Variants in ZNF589 observed in about 807,000 individuals in gnomAD.
ZNF589 encodes KRAB-zinc finger protein SZF1-1.
ZNF589 carries 17 observed loss-of-function variants against 13.6 expected under a neutral mutation model. The observed-to-expected ratio is 1.25, with a 90% confidence interval of 0.86 to 1.88. The LOEUF is 1.88. ZNF589 is among the 40% of genes most tolerant of loss of function. The probability of loss-of-function intolerance (pLI) is 0.00; values close to 1 mark genes in which losing one functional copy is unlikely to be tolerated. For synonymous variants in ZNF589, 148 were observed against 161.6 expected, an observed-to-expected ratio of 0.92 and a Z score of 0.64; for missense variants, 407 against 434.0, an observed-to-expected ratio of 0.94 and a Z score of 0.55.
At chr3:48,264,745 C>T (rs1249280537) in intron 3 of ZNF589, among the ~76,000 whole-genome samples, 1 of 152,122 alleles carries the variant, frequency 6.6e-6, no homozygotes, top group East Asian at 1.9e-4. Flanking sequence ...AAAAGAATTG[C>T]TTGAACCTGG....
At chr3:48,242,350 G>A (rs1218227749) in intron 1 of ZNF589, among the ~76,000 whole-genome samples, 1 of 151,908 alleles carries the variant, frequency 6.6e-6, no homozygotes, top group Admixed American at 6.6e-5. Flanking sequence ...GACCCCAGAT[G>A]ATCCACCTGC....
chr3:48,256,537 C>T, intron 2 of ZNF589: 1 of 648,526 alleles, frequency 1.5e-6, no homozygotes. Context: ...CTTCAGGAAG[C>T]TGAGGCCTGT....
chr3:48,253,089 G>A (rs2033857329), intron 2 of ZNF589, among the ~76,000 whole-genome samples: 1 of 152,090 alleles, frequency 6.6e-6, no homozygotes, highest in Non-Finnish European at 1.5e-5. Context: ...CTGGAGTGCA[G>A]TGGTGCAATC....
In ZNF589 at chr3:48,270,266, T is replaced by C. The variant is rs2034076086; in HGVS notation, c.*1480T>C. 2.2e-6 allele frequency: 1 copy of C among 456,320 alleles called. No homozygotes were observed. Among genetic ancestry groups the C allele is most frequent in the Admixed American group, 2.4e-5 (1 of 42,446 alleles). The allele number at this position is 456,320 out of a possible 1,614,324, so 28.3% of individuals were successfully genotyped here. ...CCCTTCCTAACCCTCCAGTCCCAAA[T>C]CCAAGATTCTTTAACCACACTCTAA... On this transcript the variant is annotated 3_prime_UTR_variant, in exon 4 of 4. Coordinates refer to ENST00000354698, the MANE Select transcript of ZNF589 (RefSeq NM_016089.3).
chr3:48,254,216 A>G (rs989743707), intron 2 of ZNF589, among the ~76,000 whole-genome samples: 3 of 152,164 alleles, frequency 2.0e-5, no homozygotes, highest in Non-Finnish European at 4.4e-5. Context: ...AGATCGTGCC[A>G]TTGCACTCCA....
rs973935520 is a variant in ZNF589, at chr3:48,270,148, T to C, written c.*1362T>C. The C allele has an allele frequency of 6.6e-6, 3 of 456,986 alleles. No homozygotes were observed. Among genetic ancestry groups the C allele is most frequent in the Non-Finnish European group, 1.3e-5 (3 of 227,052 alleles). The allele number at this position is 456,986 out of a possible 1,614,324, so 28.3% of individuals were successfully genotyped here. ...CCTGCTTTATTTTTTTCTACATCTC[T>C]AGCCTTTGCTGTTTCCTCTCCTACC... On this transcript the variant is annotated 3_prime_UTR_variant, in exon 4 of 4. Coordinates refer to ENST00000354698, the MANE Select transcript of ZNF589 (RefSeq NM_016089.3).
Position 48,247,638 on chromosome 3 carries a change from G to A in ZNF589, c.57G>A (p.Lys19=), listed in dbSNP as rs755404479. ...LGWTAEALPA[K]DSAWPWEEKP... is the part of the protein sequence containing the mutation. ...TTCTTTCCCCAGCTCTGCCTGCCAA[G>A]GATTCTGCCTGGCCCTGGGAAGAGA... The change falls in exon 2 of 4, where the codon AAG becomes AAA. Residue 19 remains lysine (K), a synonymous_variant. Coordinates refer to ENST00000354698, the MANE Select transcript of ZNF589 (RefSeq NM_016089.3). The A allele has an allele frequency of 6.2e-7, 1 of 1,612,624 alleles. No homozygotes were observed. Among genetic ancestry groups the A allele is most frequent in the Non-Finnish European group, 8.5e-7 (1 of 1,179,224 alleles).
chr3:48,251,934 G>A (rs2033842717), intron 2 of ZNF589, among the ~76,000 whole-genome samples: 1 of 151,974 alleles, frequency 6.6e-6, no homozygotes, highest in African/African-American at 2.4e-5. Flanking sequence ...AGCTATGTGG[G>A]AGGCTGAGGT....
At chr3:48,262,214 A>C (rs534255684) in intron 3 of ZNF589, among the ~76,000 whole-genome samples, 1 of 152,068 alleles carries the variant, frequency 6.6e-6, no homozygotes, top group East Asian at 1.9e-4. Context: ...TTTGAGATGG[A>C]GTTTCATTCT....
In ZNF589 at chr3:48,270,493, G is replaced by A; in HGVS notation, c.*1707G>A. On this transcript the variant is annotated 3_prime_UTR_variant, in exon 4 of 4. Coordinates refer to ENST00000354698, the MANE Select transcript of ZNF589 (RefSeq NM_016089.3). The stretch of plus-strand genomic sequence containing the variant: ...AATTACATCCAGGAATGGTGCCAGG[G>A]CCTTTAGCCATTTGTCTCTCCTCAC... 2.8e-6 allele frequency: 1 copy of A among 353,536 alleles called. No individual in the cohort carries two copies. Among genetic ancestry groups the A allele is most frequent in the East Asian group, 7.4e-5 (1 of 13,600 alleles). The allele number at this position is 353,536 out of a possible 1,614,324, so 21.9% of individuals were successfully genotyped here. A position where few individuals can be genotyped will look rare whatever the true frequency, so the allele number is the denominator to read the frequency against.
intron 3 of ZNF589, among the ~76,000 whole-genome samples, chr3:48,261,319 T>G (rs2033967967): frequency 6.6e-6 from 1 of 151,368 alleles, no homozygotes; most frequent in Non-Finnish European, 1.5e-5. Context: ...TTGAAGGAGG[T>G]GAGGAGGTTG....
chr3:48,257,889 C>T (rs955786097), intron 2 of ZNF589: 7 of 423,920 alleles, frequency 1.7e-5, no homozygotes, highest in South Asian at 6.9e-5. Context: ...TCTGGGTTTT[C>T]GGTTCTCTTC....
At chr3:48,249,560 T>A (rs2033814209) in intron 2 of ZNF589, among the ~76,000 whole-genome samples, 1 of 152,240 alleles carries the variant, frequency 6.6e-6, no homozygotes, top group Non-Finnish European at 1.5e-5. Flanking sequence ...AATTTTGAGT[T>A]TACCTTTTGA....
intron 2 of ZNF589, among the ~76,000 whole-genome samples, chr3:48,259,914 G>A (rs1227011755): frequency 1.6e-5 from 2 of 122,742 alleles, no homozygotes; most frequent in Admixed American, 8.6e-5. Flanking sequence ...GTGAGACTCC[G>A]TATCAAAAAA....
chr3:48,268,270 G>T lies in ZNF589; in HGVS notation c.579G>T (p.Gln193His). 6.2e-7 allele frequency: 1 copy of T among 1,611,128 alleles called. No homozygotes were observed. Among genetic ancestry groups the T allele is most frequent in the Non-Finnish European group, 8.5e-7 (1 of 1,178,212 alleles). Residue 193 changes from glutamine (Q) to histidine (H), a missense_variant, in exon 4 of 4, where the codon CAG (glutamine) becomes CAT (histidine). Physicochemically the swap from Gln to His is conservative, Grantham distance 24 (BLOSUM62 0). Transcript: ENST00000354698. Reference protein sequence around the residue: ...RILEIQLSPAQNASSEEVDRI... With the variant: ...RILEIQLSPAHNASSEEVDRI... ...TAGAGATACAGCTCAGTCCAGCCCA[G>T]AATGCAAGCTCTGAGGAAGTAGACA...
chr3:48,256,806 T>C (rs2033908504), intron 2 of ZNF589: 3 of 1,545,450 alleles, frequency 1.9e-6, no homozygotes, highest in South Asian at 2.3e-5. Flanking sequence ...ATAGTTGTCT[T>C]TCCTTCTTGG....
chr3:48,242,239 C>T (rs1180338294), intron 1 of ZNF589, among the ~76,000 whole-genome samples: 2 of 151,946 alleles, frequency 1.3e-5, no homozygotes, highest in Admixed American at 6.6e-5. Flanking sequence ...GCCTACCAAG[C>T]GGCTGGAATT....
intron 1 of ZNF589, among the ~76,000 whole-genome samples, chr3:48,242,937 G>C (rs1301271138): frequency 1.3e-5 from 2 of 151,824 alleles, no homozygotes; most frequent in African/African-American, 4.8e-5. Flanking sequence ...AGCTGGGTGT[G>C]GTGCCGTACA....
rs2033964202 is a variant in ZNF589, at chr3:48,260,902, A to C, written c.186A>C (p.Glu62Asp). 9 of 1,614,062 alleles carry C rather than the reference A, an allele frequency of 5.6e-6. No homozygotes were observed. The highest frequency in any genetic ancestry group is 6.8e-6 in the Non-Finnish European group (8 of 1,180,042). The change falls in exon 3 of 4, where the codon GAA becomes GAC. Residue 62 changes from glutamate to aspartate, a missense_variant. Transcript: ENST00000354698. Reference sequence around the variant, plus strand: ...TTGAGCAGAGGAACCTATACAAAGAAGTGATGCTGGAAAATCTCAGGAATC... The same window carrying C: ...TTGAGCAGAGGAACCTATACAAAGACGTGATGCTGGAAAATCTCAGGAATC... ...LSLEQRNLYKEVMLENLRNLV... is the reference protein window; with the variant it reads ...LSLEQRNLYKDVMLENLRNLV...
Sources: gnomAD v4.1 joint callset for allele counts (sites outside exome capture counted in the v4.1 genomes callset) on GRCh38, gnomAD v4.1.1 for gene constraint, MANE v1.5 for transcripts, NCBI Gene and HGNC (gene_info 2026-07-23, HGNC 2026-07-21) for gene names.